SRBD1: variants seen among roughly 807,000 people sequenced by gnomAD.
SRBD1 encodes S1 RNA binding domain 1.
A neutral mutation model predicts 115.3 loss-of-function variants in SRBD1; 88 were observed. The observed-to-expected ratio is 0.76, with a 90% CI of 0.64 to 0.91. The LOEUF is 0.91. SRBD1 is among the 40% of genes least tolerant of loss of function. SRBD1 has a pLI of 0.00. For missense variants in SRBD1, 1,385 were observed against 1,177.4 expected (o/e 1.18, Z -2.58); for synonymous variants, 509 against 407.7 (o/e 1.25, Z -2.99).
chr2:45,462,187 T>C lies in SRBD1; in HGVS notation c.2049+14806A>G, dbSNP rs1028809028. Among the ~76,000 whole-genome samples, 5 of 152,244 alleles carry C rather than the reference T, an allele frequency of 3.3e-5. No homozygotes were observed. The South Asian group carries it at 8.3e-4, about 25-fold the overall frequency. ...TCGCAGCGAATCACGCTGTGGTTAG[T>C]TGAAAGTGCTGTTCACATAATAAAT... On this transcript the variant is annotated intron_variant, in intron 16 of 20. Transcript: ENST00000263736.
chr2:45,520,049 T>C (rs537044234), intron 14 of SRBD1, among the ~76,000 whole-genome samples: 1 of 152,170 alleles, frequency 6.6e-6, no homozygotes, highest in East Asian at 1.9e-4. Context: ...AAAAATACAT[T>C]TAAAGCAAGA....
chr2:45,532,755 CA>C (rs1407061963), intron 14 of SRBD1, among the ~76,000 whole-genome samples: 8 of 148,604 alleles, frequency 5.4e-5, no homozygotes, highest in African/African-American at 1.9e-4. Context: ...GAGCATAATA[CA>C]AAGATTTAGC....
At chr2:45,435,933 T>C (rs1466124040) in intron 16 of SRBD1, among the ~76,000 whole-genome samples, 1 of 151,980 alleles carries the variant, frequency 6.6e-6, no homozygotes, top group Non-Finnish European at 1.5e-5. Context: ...TAACCTTAAT[T>C]CCAAAACCAG....
intron 14 of SRBD1, among the ~76,000 whole-genome samples, chr2:45,503,682 A>T (rs1472220467): frequency 6.6e-6 from 1 of 152,186 alleles, no homozygotes; most frequent in African/African-American, 2.4e-5. Context: ...ATAATTAGCA[A>T]CTGTGTGAAA....
At chr2:45,426,690 TGG>T (rs1198550386) in intron 16 of SRBD1, among the ~76,000 whole-genome samples, 1 of 152,150 alleles carries the variant, frequency 6.6e-6, no homozygotes, top group Non-Finnish European at 1.5e-5. Context: ...CAGCCTCCAC[TGG>T]TGATACCCAG....
At chr2:45,585,816 T>C (rs1419857615) in intron 4 of SRBD1, 42 bp from the exon 5 acceptor site, 1 of 1,461,264 alleles carries the variant, frequency 6.8e-7, no homozygotes, top group African/African-American at 1.4e-5. Context: ...TGCTGAAAAT[T>C]AAACATCTAT....
chr2:45,531,272 G>A (rs141447118), intron 14 of SRBD1, among the ~76,000 whole-genome samples: 244 of 151,852 alleles, frequency 1.6e-3, no homozygotes, highest in African/African-American at 5.6e-3. Flanking sequence ...CATACTCACC[G>A]TATATAAATA....
chr2:45,413,088 A>G, intron 19 of SRBD1, 26 bp downstream of exon 19: 2 of 1,598,546 alleles, frequency 1.3e-6, no homozygotes, highest in Non-Finnish European at 1.7e-6. Flanking sequence ...GCATATGGAG[A>G]ATTCCCACAT....
At chr2:45,404,288 G>A (rs1004543937) in intron 19 of SRBD1, among the ~76,000 whole-genome samples, 4 of 152,118 alleles carry the variant, frequency 2.6e-5, no homozygotes, top group Non-Finnish European at 5.9e-5. Context: ...TCTTAAGTAG[G>A]CAGATACAGT....
In SRBD1 at chr2:45,592,156, C is replaced by T. The variant is rs184439872; in HGVS notation, c.649-6382G>A. ...CATGTAAGAAGTGCCTTTTGCCTCCCACCATGATTCTGAGGCCTCCCCAGC... is the reference window on the plus strand; with the variant it reads ...CATGTAAGAAGTGCCTTTTGCCTCCTACCATGATTCTGAGGCCTCCCCAGC... On this transcript the variant is annotated intron_variant, in intron 4 of 20. Transcript: ENST00000263736. Among the ~76,000 whole-genome samples, 364 of 152,250 alleles carry T rather than the reference C, an allele frequency of 2.4e-3. 1 individual carries two copies. The highest frequency in any genetic ancestry group is 4.5e-3 in the Non-Finnish European group (308 of 68,020).
chr2:45,499,673 T>C (rs535431656), intron 14 of SRBD1, among the ~76,000 whole-genome samples: 18 of 152,294 alleles, frequency 1.2e-4, no homozygotes, highest in Non-Finnish European at 2.5e-4. Context: ...AATTTTTATA[T>C]ATGGTAAAAA....
At chr2:45,433,699 G>C (rs1022088581) in intron 16 of SRBD1, among the ~76,000 whole-genome samples, 1 of 152,176 alleles carries the variant, frequency 6.6e-6, no homozygotes, top group Admixed American at 6.5e-5. Flanking sequence ...TCCCGTTAAA[G>C]ACAATGTTCA....
intron 16 of SRBD1, among the ~76,000 whole-genome samples, chr2:45,426,964 C>T (rs1477206915): frequency 5.9e-5 from 9 of 152,146 alleles, no homozygotes; most frequent in African/African-American, 2.2e-4. Context: ...CACAACTCCT[C>T]GCCAGCAAGG....
At chr2:45,543,388 A>T (rs114070661) in intron 14 of SRBD1, among the ~76,000 whole-genome samples, 1 of 152,224 alleles carries the variant, frequency 6.6e-6, no homozygotes, top group Non-Finnish European at 1.5e-5. Flanking sequence ...ATTAGGATAT[A>T]TATCATGGCA....
chr2:45,389,326 A>C lies in SRBD1; in HGVS notation c.2972T>G (p.Leu991Arg). ...GTGGGATACTCATAACACCCGAATG[A>C]GGTCCAGAGTAATCCTAGATCGGGG... ...DIPRSRITLD[L>R]IRVL is the part of the protein sequence containing the mutation. Residue 991 changes from leucine (L) to arginine (R), a missense_variant, in exon 21 of 21, where the codon CTC becomes CGC. Physicochemically the swap from Leu to Arg is moderately radical, Grantham distance 102. Transcript: ENST00000263736. 6.2e-7 allele frequency: 1 copy of C among 1,613,512 alleles called. No homozygotes were observed. Among genetic ancestry groups the C allele is most frequent in the South Asian group, 1.1e-5 (1 of 91,058 alleles).
At chr2:45,488,563 T>A (rs529419572) in intron 14 of SRBD1, among the ~76,000 whole-genome samples, 108 of 152,282 alleles carry the variant, frequency 7.1e-4, no homozygotes, top group Middle Eastern at 3.4e-3. Context: ...ATGAATTCAA[T>A]CAGAGAAATC....
At chr2:45,514,859 T>C (rs1671073239) in intron 14 of SRBD1, among the ~76,000 whole-genome samples, 1 of 152,134 alleles carries the variant, frequency 6.6e-6, no homozygotes, top group African/African-American at 2.4e-5. Flanking sequence ...CCTTACAAAT[T>C]TAATGGCACT....
Position 45,389,230 on chromosome 2 carries a change from G to C in SRBD1, c.*80C>G. Reference sequence around the variant, plus strand: ...TGAATTATTTCTCATCTGCTACCTAGAGTTTACAAACAACTGACTTATCCT... The same window carrying C: ...TGAATTATTTCTCATCTGCTACCTACAGTTTACAAACAACTGACTTATCCT... On this transcript the variant is annotated 3_prime_UTR_variant, in exon 21 of 21. Coordinates refer to ENST00000263736, the MANE Select transcript of SRBD1 (RefSeq NM_018079.5). The C allele has an allele frequency of 6.8e-7, 1 of 1,475,270 alleles. No individual in the cohort carries two copies. Among genetic ancestry groups the C allele is most frequent in the South Asian group, 1.3e-5 (1 of 75,224 alleles). 91.4% of individuals were successfully genotyped at this position (1,475,270 alleles called of 1,614,324 possible). A position where few individuals can be genotyped will look rare whatever the true frequency, so the allele number is the denominator to read the frequency against.
At chr2:45,552,980 T>A (rs1672350600) in intron 11 of SRBD1, among the ~76,000 whole-genome samples, 1 of 152,148 alleles carries the variant, frequency 6.6e-6, no homozygotes, top group African/African-American at 2.4e-5. Context: ...GAAATGAGAA[T>A]GAAGATAATC....
Sources: gnomAD v4.1 joint callset for allele counts (sites outside exome capture counted in the v4.1 genomes callset) on GRCh38, gnomAD v4.1.1 for gene constraint, MANE v1.5 for transcripts, NCBI Gene and HGNC (gene_info 2026-07-23, HGNC 2026-07-21) for gene names.